The following GYS2 variants were observed in gnomAD, a reference collection of about 807,000 sequenced individuals.
The protein encoded by GYS2 is glycogen [starch] synthase, liver.
A neutral mutation model predicts 85.6 loss-of-function variants in GYS2; 80 were observed. The ratio of observed to expected loss-of-function variants is 0.93; its 90% CI spans 0.78 to 1.13. GYS2 has a LOEUF of 1.13. Among genes scored for constraint, GYS2 ranks in the 50% most tolerant of loss-of-function variants. The pLI is 0.00. For synonymous variants in GYS2, 328 were observed against 300.7 expected, an observed-to-expected ratio of 1.09 and a Z score of -0.94; for missense variants, 881 against 854.9, an observed-to-expected ratio of 1.03 and a Z score of -0.38.
intron 1 of GYS2, among the ~76,000 whole-genome samples, chr12:21,602,335 T>C (rs1390603050): frequency 1.3e-5 from 2 of 152,096 alleles, no homozygotes; most frequent in African/African-American, 2.4e-5. Flanking sequence ...TGCTTGATCA[T>C]TAAATACCTC....
chr12:21,597,521 T>C (rs555967262), intron 1 of GYS2, among the ~76,000 whole-genome samples: 1 of 152,248 alleles, frequency 6.6e-6, no homozygotes, highest in East Asian at 1.9e-4. Context: ...AGAATCATCA[T>C]GATTTAAATA....
chr12:21,583,000 G>A (rs550465889), intron 1 of GYS2, among the ~76,000 whole-genome samples: 10 of 152,268 alleles, frequency 6.6e-5, no homozygotes, highest in African/African-American at 2.4e-4. Context: ...TAAGTTCGCT[G>A]GACAAAGTGA....
At chr12:21,547,334 CT>C (rs1170332243) in intron 11 of GYS2, among the ~76,000 whole-genome samples, 3 of 152,266 alleles carry the variant, frequency 2.0e-5, no homozygotes, top group Non-Finnish European at 4.4e-5. Flanking sequence ...TTTATAACAA[CT>C]TTATTCCTAA....
At chr12:21,559,583 G>C in intron 9 of GYS2, 68 bp downstream of exon 9, 1 of 876,210 alleles carries the variant, frequency 1.1e-6, no homozygotes, top group Non-Finnish European at 2.0e-6. Flanking sequence ...AAGTTATGAT[G>C]TCTAAATTGT....
intron 11 of GYS2, among the ~76,000 whole-genome samples, chr12:21,548,427 T>C (rs1474880504): frequency 6.6e-6 from 1 of 152,134 alleles, no homozygotes; most frequent in Non-Finnish European, 1.5e-5. Context: ...CACGAAGATC[T>C]GACAGACATA....
intron 15 of GYS2, among the ~76,000 whole-genome samples, chr12:21,538,624 G>A (rs1446774570): frequency 3.9e-5 from 6 of 152,182 alleles, no homozygotes; most frequent in Non-Finnish European, 8.8e-5. Flanking sequence ...GTGTGTAGGC[G>A]GCCAAAGATG....
rs533548597 is a variant in GYS2, at chr12:21,601,272, T to TA, written c.121+3199dup. Among the ~76,000 whole-genome samples, 141 of 152,146 alleles carry TA rather than the reference T, an allele frequency of 9.3e-4. 2 individuals are homozygous for TA. Among genetic ancestry groups the TA allele is most frequent in the Middle Eastern group, 3.4e-3 (1 of 294 alleles). On this transcript the variant is annotated intron_variant, in intron 1 of 15. Transcript: ENST00000261195. ...CCCTCCTCTCCTCTCCCTCAACTGG[T>TA]AACAGTGCTTCTTCCAAAACATACC...
At chr12:21,598,352 GATCTC>G (rs1263145815) in intron 1 of GYS2, among the ~76,000 whole-genome samples, 1 of 151,880 alleles carries the variant, frequency 6.6e-6, no homozygotes, top group African/African-American at 2.4e-5. Context: ...AAAGAAAGTC[GATCTC>G]ATATTGGTTG....
intron 2 of GYS2, among the ~76,000 whole-genome samples, chr12:21,578,950 A>G (rs1944476825): frequency 1.3e-5 from 2 of 152,242 alleles, no homozygotes; most frequent in Admixed American, 6.5e-5. Flanking sequence ...ATTATATTTT[A>G]TATTCATAGA....
intron 5 of GYS2, among the ~76,000 whole-genome samples, chr12:21,568,316 T>C (rs1169297046): frequency 6.6e-6 from 1 of 152,172 alleles, no homozygotes; most frequent in African/African-American, 2.4e-5. Context: ...GTCAGATGTC[T>C]TCCTTTGGGC....
Position 21,560,562 on chromosome 12 carries a change from A to G in GYS2, c.1063-70T>C. 6.2e-6 allele frequency: 5 copies of G among 802,948 alleles called. No individual in the cohort carries two copies. In the East Asian group the frequency reaches 1.2e-4, roughly 20 times the overall value. 49.7% of individuals were successfully genotyped at this position (802,948 alleles called of 1,614,324 possible). A position where few individuals can be genotyped will look rare whatever the true frequency, so the allele number is the denominator to read the frequency against. On this transcript the variant is annotated intron_variant, in intron 7 of 15. Coordinates refer to ENST00000261195, the MANE Select transcript of GYS2 (RefSeq NM_021957.4). The stretch of plus-strand genomic sequence containing the variant: ...TAAAAAGTATGATAGATGGAACTTA[A>G]ACATTGAAAAGTAGAGTTTTAAAAT...
chr12:21,584,821 C>G (rs1418109907), intron 1 of GYS2, among the ~76,000 whole-genome samples: 1 of 152,206 alleles, frequency 6.6e-6, no homozygotes, highest in Non-Finnish European at 1.5e-5. Context: ...GCCGTATCCA[C>G]TGTCATGGTA....
At chr12:21,569,920 C>T (rs1227291117) in intron 4 of GYS2, among the ~76,000 whole-genome samples, 5 of 152,058 alleles carry the variant, frequency 3.3e-5, no homozygotes, top group Non-Finnish European at 4.4e-5. Context: ...AGAAACTTGT[C>T]GAAGGTCACA....
chr12:21,560,918 G>T (rs1206874820), intron 7 of GYS2, among the ~76,000 whole-genome samples: 1 of 152,130 alleles, frequency 6.6e-6, no homozygotes, highest in Non-Finnish European at 1.5e-5. Context: ...GAAGTTTAAT[G>T]AAGATTTAAG....
At position 21,540,524 on chromosome 12, in the gene GYS2, A is replaced by G. The variant is rs765489155; in HGVS notation, c.1695T>C (p.Asn565=). The G allele has an allele frequency of 1.9e-6, 3 of 1,613,870 alleles. No homozygotes were observed. The highest frequency in any genetic ancestry group is 2.5e-6 in the Non-Finnish European group (3 of 1,179,902). The change falls in exon 14 of 16, where the codon AAT becomes AAC. Residue 565 remains asparagine (N), a synonymous_variant. Coordinates refer to ENST00000261195, the MANE Select transcript of GYS2 (RefSeq NM_021957.4). ...RRFRSPDDSC[N]QLTKFLYGFC... Reference sequence around the variant, plus strand: ...ATCCATAGAGAAACTTAGTCAGCTGATTGCAAGAATCATCTGGAGAACGGA... The same window carrying G: ...ATCCATAGAGAAACTTAGTCAGCTGGTTGCAAGAATCATCTGGAGAACGGA...
chr12:21,590,797 C>T (rs1490739339), intron 1 of GYS2, among the ~76,000 whole-genome samples: 1 of 152,210 alleles, frequency 6.6e-6, no homozygotes, highest in East Asian at 1.9e-4. Context: ...ATATTCTTGT[C>T]TCCAGCACAA....
chr12:21,568,300 G>C (rs1944346515), intron 5 of GYS2, among the ~76,000 whole-genome samples: 1 of 152,160 alleles, frequency 6.6e-6, no homozygotes, highest in Non-Finnish European at 1.5e-5. Context: ...GATTGGCCCA[G>C]CTTATGTCAG....
At chr12:21,575,046 A>G (rs1293391560) in intron 3 of GYS2, among the ~76,000 whole-genome samples, 1 of 152,190 alleles carries the variant, frequency 6.6e-6, no homozygotes, top group Non-Finnish European at 1.5e-5. Flanking sequence ...TGATTTTGAG[A>G]AACAAAGATA....
At position 21,559,462 on chromosome 12, in the gene GYS2, T is replaced by C. The variant is rs560515055; in HGVS notation, c.1229+189A>G. ...ACTTGCCTGCATATAAATGTATTCT[T>C]ATTTGTACAGCTATTTACAAGTTTT... On this transcript the variant is annotated intron_variant, in intron 9 of 15. Transcript: ENST00000261195. Among the ~76,000 whole-genome samples the C allele has an allele frequency of 7.0e-4, 107 of 152,316 alleles. 1 individual carries two copies. Among genetic ancestry groups the C allele is most frequent in the African/African-American group, 2.5e-3 (102 of 41,576 alleles).
Sources: allele counts gnomAD v4.1 joint callset (sites outside exome capture counted in the v4.1 genomes callset), GRCh38; gene constraint gnomAD v4.1.1; transcripts MANE v1.5; gene names NCBI Gene and HGNC (gene_info 2026-07-23, HGNC 2026-07-21).